The following MYO3A variants were observed in gnomAD, a reference collection of about 807,000 sequenced individuals.
The protein encoded by MYO3A is myosin IIIA, also known as myosin-IIIa.
A neutral mutation model predicts 192.7 loss-of-function variants in MYO3A; 180 were observed. The ratio of observed to expected loss-of-function variants is 0.93; its 90% CI spans 0.83 to 1.06. The LOEUF (loss-of-function observed/expected upper bound fraction) is 1.06, where lower values mean the gene tolerates loss of function less well. Ranked by LOEUF, MYO3A falls within the 50% of genes least tolerant of loss-of-function variation. MYO3A has a pLI of 0.00. For synonymous variants in MYO3A, 628 were observed against 645.3 expected, an observed-to-expected ratio of 0.97 and a Z score of 0.41; for missense variants, 1,896 against 1,905.0, an observed-to-expected ratio of 1.00 and a Z score of 0.09.
intron 10 of MYO3A, among the ~76,000 whole-genome samples, chr10:26,043,803 G>C (rs566703107): frequency 6.6e-6 from 1 of 152,300 alleles, no homozygotes; most frequent in East Asian, 1.9e-4. Flanking sequence ...ACTTAATGCT[G>C]TATGCCCCTG....
In MYO3A at chr10:25,952,262, T is replaced by A. The variant is rs144008984; in HGVS notation, c.152T>A (p.Ile51Asn). 239 of 1,612,400 alleles carry A rather than the reference T, an allele frequency of 1.5e-4. 1 individual carries two copies. Among genetic ancestry groups the A allele is most frequent in the Non-Finnish European group, 1.9e-4 (220 of 1,179,088 alleles). The change falls in exon 3 of 35, where the codon ATT becomes AAT. Residue 51 changes from isoleucine (I) to asparagine (N), a missense_variant. Ile to Asn is a moderately radical substitution (Grantham distance 149). Coordinates refer to ENST00000642920, the MANE Select transcript of MYO3A (RefSeq NM_017433.5). The part of the protein sequence containing the change: ...KKNGQKAAVK[I>N]LDPIHDIDEE... ...AATGGCCAAAAAGCAGCAGTCAAAA[T>A]TCTTGATCCAATTCACGTAAGTCAT...
chr10:26,170,329 A>G (rs974855376), intron 28 of MYO3A, 87 bp from the exon 29 acceptor site: 19 of 1,440,798 alleles, frequency 1.3e-5, no homozygotes, highest in East Asian at 2.5e-5. Flanking sequence ...TTTGACATCA[A>G]TGGTCAAAGC....
chr10:26,067,315 C>T (rs1408978246), intron 11 of MYO3A, among the ~76,000 whole-genome samples: 2 of 152,164 alleles, frequency 1.3e-5, no homozygotes, highest in African/African-American at 4.8e-5. Context: ...ATCTTTCCAG[C>T]CTAGTGTTCA....
chr10:25,980,281 T>G (rs1352784480), intron 4 of MYO3A, among the ~76,000 whole-genome samples: 3 of 149,542 alleles, frequency 2.0e-5, no homozygotes, highest in Non-Finnish European at 4.5e-5. Flanking sequence ...GCTTATAAAA[T>G]CTCTTCCAGG....
At position 26,212,163 on chromosome 10, in the gene MYO3A, GA is replaced by G. The variant is rs1844250503; in HGVS notation, c.*203del. The G allele has an allele frequency of 4.1e-6, 3 of 733,186 alleles. No individual in the cohort carries two copies. The highest frequency in any genetic ancestry group is 6.1e-5 in the Admixed American group (2 of 32,890). The allele number at this position is 733,186 out of a possible 1,614,324, so 45.4% of individuals were successfully genotyped here. A position where few individuals can be genotyped will look rare whatever the true frequency, so the allele number is the denominator to read the frequency against. ...AAACAAGAGACCTGGGAGCCCTCGG[GA>G]AACCTCCCCCGACGCTCTCTCTCGG... On this transcript the variant is annotated 3_prime_UTR_variant, in exon 35 of 35. Coordinates refer to ENST00000642920, the MANE Select transcript of MYO3A (RefSeq NM_017433.5).
intron 2 of MYO3A, among the ~76,000 whole-genome samples, chr10:25,948,206 T>C (rs542358358): frequency 1.3e-5 from 2 of 152,314 alleles, no homozygotes; most frequent in East Asian, 1.9e-4. Flanking sequence ...TGTTTTAGAA[T>C]GAGCATGAAG....
chr10:26,082,702 C>T (rs1836038679), intron 14 of MYO3A, among the ~76,000 whole-genome samples: 1 of 152,044 alleles, frequency 6.6e-6, no homozygotes, highest in Admixed American at 6.5e-5. Flanking sequence ...TAAAGTATAA[C>T]ACTATACTGT....
rs150600683 is a variant in MYO3A at position 26,147,510 on chromosome 10, C to T, written c.2586C>T (p.Ser862=). 43 of 1,613,706 alleles carry T rather than the reference C, an allele frequency of 2.7e-5. No individual in the cohort carries two copies. The East Asian group carries it at 2.9e-4, about 11-fold the overall frequency. Residue 862 remains serine (S), a synonymous_variant, in exon 23 of 35, where the codon TCC becomes TCT. Transcript: ENST00000642920. The stretch of plus-strand genomic sequence containing the variant: ...ACATTGTGCTACTTTTGAGGTCATC[C>T]GACAACAGTGTAATTAGGCAACTAG... ...PTDIVLLLRS[S]DNSVIRQLVN... is the part of the protein sequence containing the mutation.
intron 8 of MYO3A, 122 bp from the exon 9 acceptor site, chr10:26,023,900 A>G: frequency 1.2e-6 from 1 of 868,390 alleles, no homozygotes; most frequent in Non-Finnish European, 2.0e-6. Flanking sequence ...GAATTGGGAA[A>G]AGATGGAATC....
intron 4 of MYO3A, among the ~76,000 whole-genome samples, chr10:25,957,921 C>G (rs1446925071): frequency 1.3e-5 from 2 of 152,100 alleles, no homozygotes; most frequent in African/African-American, 2.4e-5. Context: ...TTTCTTTGCC[C>G]ACTTTTAATG....
chr10:25,950,964 T>C (rs1320985428), intron 2 of MYO3A, among the ~76,000 whole-genome samples: 3 of 152,152 alleles, frequency 2.0e-5, no homozygotes, highest in Non-Finnish European at 2.9e-5. Flanking sequence ...TTTTTGTAGT[T>C]TTATAGAAAT....
chr10:26,123,117 G>A (rs992498260), intron 18 of MYO3A, among the ~76,000 whole-genome samples: 1 of 152,130 alleles, frequency 6.6e-6, no homozygotes, highest in Non-Finnish European at 1.5e-5. Context: ...AAAATCATAA[G>A]AGAGACTGGA....
At chr10:26,190,227 G>T (rs983804713) in intron 31 of MYO3A, among the ~76,000 whole-genome samples, 1 of 152,188 alleles carries the variant, frequency 6.6e-6, no homozygotes, top group Non-Finnish European at 1.5e-5. Flanking sequence ...ATGAATATTA[G>T]ATATTTCAAA....
intron 15 of MYO3A, among the ~76,000 whole-genome samples, chr10:26,095,630 A>G (rs954723208): frequency 6.6e-6 from 1 of 152,192 alleles, no homozygotes; most frequent in Non-Finnish European, 1.5e-5. Flanking sequence ...AGGGGACCCC[A>G]AGGTCCAAGA....
intron 19 of MYO3A, among the ~76,000 whole-genome samples, chr10:26,127,299 A>T (rs1839273364): frequency 1.3e-5 from 2 of 152,120 alleles, no homozygotes; most frequent in South Asian, 4.1e-4. Flanking sequence ...CCTGCTTCTA[A>T]CACTTTTTTA....
intron 6 of MYO3A, among the ~76,000 whole-genome samples, chr10:26,003,080 G>C (rs1840953680): frequency 6.6e-6 from 1 of 152,146 alleles, no homozygotes; most frequent in African/African-American, 2.4e-5. Context: ...AAGTCACACA[G>C]AATCTGCAAG....
At chr10:26,073,069 TAA>T (rs1222954430) in intron 14 of MYO3A, among the ~76,000 whole-genome samples, 1 of 151,084 alleles carries the variant, frequency 6.6e-6, no homozygotes, top group Non-Finnish European at 1.5e-5. Context: ...TGAAAAAATT[TAA>T]AAGTTAGCCA....
chr10:26,184,261 T>C lies in MYO3A; in HGVS notation c.4438+7416T>C, dbSNP rs1589098062. 3.9e-5 allele frequency among the ~76,000 whole-genome samples: 6 copies of C among 152,174 alleles called. 1 individual carries two copies. In the South Asian group the frequency reaches 1.2e-3, roughly 32 times the overall value. On this transcript the variant is annotated intron_variant, in intron 31 of 34. Coordinates refer to ENST00000642920, the MANE Select transcript of MYO3A (RefSeq NM_017433.5). ...GAAATGGCAGCTTCCAGAAGGCAGGTTGCAACCATGACTAGAGTGAGTCTG... is the reference window on the plus strand; with the variant it reads ...GAAATGGCAGCTTCCAGAAGGCAGGCTGCAACCATGACTAGAGTGAGTCTG...
intron 33 of MYO3A, chr10:26,202,645 A>G (rs1843727023): frequency 5.9e-6 from 2 of 341,774 alleles, no homozygotes; most frequent in Admixed American, 8.9e-5. Flanking sequence ...GTGACTGCTG[A>G]TCTGGACTGG....
Sources: allele counts gnomAD v4.1 joint callset (sites outside exome capture counted in the v4.1 genomes callset), GRCh38; gene constraint gnomAD v4.1.1; transcripts MANE v1.5; gene names NCBI Gene and HGNC (gene_info 2026-07-23, HGNC 2026-07-21).